DAB1: variants seen among roughly 807,000 people sequenced by gnomAD.
The protein encoded by DAB1 is disabled homolog 1.
A neutral mutation model predicts 64.6 loss-of-function variants in DAB1; 15 were observed. That is an observed-to-expected ratio of 0.23 (90% CI 0.16 to 0.36). The LOEUF (loss-of-function observed/expected upper bound fraction) is 0.36, where lower values mean the gene tolerates loss of function less well. Among genes scored for constraint, DAB1 ranks in the 10% least tolerant of loss-of-function variants. DAB1 has a pLI of 1.00. For missense variants in DAB1, 596 were observed against 706.7 expected, an observed-to-expected ratio of 0.84 and a Z score of 1.78; for synonymous variants, 235 against 251.9, an observed-to-expected ratio of 0.93 and a Z score of 0.64.
At chr1:57,089,931 T>C (rs1241173756) in intron 4 of DAB1, among the ~76,000 whole-genome samples, 2 of 152,174 alleles carry the variant, frequency 1.3e-5, no homozygotes, top group East Asian at 3.9e-4. Flanking sequence ...GCATATTTTA[T>C]AATACGAGGC....
At chr1:57,906,825 CT>C (rs1248128911) in intron 5 of DAB1, among the ~76,000 whole-genome samples, 1 of 152,120 alleles carries the variant, frequency 6.6e-6, no homozygotes, top group Non-Finnish European at 1.5e-5. Flanking sequence ...TTCTGCCCTT[CT>C]CTTGGTGCTC....
At chr1:57,690,867 GT>G (rs1046976165) in intron 6 of DAB1, among the ~76,000 whole-genome samples, 2 of 152,114 alleles carry the variant, frequency 1.3e-5, no homozygotes, top group Non-Finnish European at 2.9e-5. Flanking sequence ...TCTTATTGTA[GT>G]TTTGATTTGT....
At chr1:58,176,713 C>T (rs1204492668) in intron 4 of DAB1, among the ~76,000 whole-genome samples, 1 of 152,192 alleles carries the variant, frequency 6.6e-6, no homozygotes, top group Non-Finnish European at 1.5e-5. Flanking sequence ...GGCGCGGTGG[C>T]TCACACCTGT....
At chr1:57,953,689 T>C (rs999624133) in intron 5 of DAB1, among the ~76,000 whole-genome samples, 3 of 152,178 alleles carry the variant, frequency 2.0e-5, no homozygotes, top group South Asian at 2.1e-4. Flanking sequence ...GCTGAGCTCA[T>C]TGAATTCTGA....
intron 3 of DAB1, among the ~76,000 whole-genome samples, chr1:58,433,598 T>A (rs58123146): frequency 0.022 from 1,972 of 90,212 alleles, 16 homozygotes; most frequent in Non-Finnish European, 0.029. Flanking sequence ...AGAGAGAGAG[T>A]GTGTGTGTGT....
intron 6 of DAB1, among the ~76,000 whole-genome samples, chr1:57,676,610 G>A (rs1646569930): frequency 1.3e-5 from 2 of 152,138 alleles, no homozygotes; most frequent in Admixed American, 6.5e-5. Flanking sequence ...GATAACTATT[G>A]GCCCAAGGGA....
At chr1:57,760,284 C>T (rs953994406) in intron 6 of DAB1, among the ~76,000 whole-genome samples, 1 of 152,178 alleles carries the variant, frequency 6.6e-6, no homozygotes, top group African/African-American at 2.4e-5. Flanking sequence ...AGCCCCAAAA[C>T]AACTTCCTTT....
intron 2 of DAB1, among the ~76,000 whole-genome samples, chr1:57,180,846 C>T (rs2100967162): frequency 6.6e-6 from 1 of 152,300 alleles, no homozygotes; most frequent in East Asian, 1.9e-4. Flanking sequence ...CTCCTGTCTC[C>T]TCTACCCCAG....
intron 4 of DAB1, among the ~76,000 whole-genome samples, chr1:57,086,347 G>T (rs568009874): frequency 6.6e-6 from 1 of 152,086 alleles, no homozygotes; most frequent in Non-Finnish European, 1.5e-5. Context: ...CTGAAGCATC[G>T]GGGAGGTTGG....
intron 4 of DAB1, among the ~76,000 whole-genome samples, chr1:58,210,109 C>A (rs1316882298): frequency 6.6e-6 from 1 of 152,182 alleles, no homozygotes; most frequent in Non-Finnish European, 1.5e-5. Flanking sequence ...GTACTTACAA[C>A]AACTCTTGAG....
chr1:57,856,135 T>TG (rs962562009), intron 1 of DAB1, among the ~76,000 whole-genome samples: 3 of 152,146 alleles, frequency 2.0e-5, no homozygotes, highest in Non-Finnish European at 4.4e-5. Context: ...TGGGACTGGC[T>TG]GAGGCCCCTG....
intron 2 of DAB1, among the ~76,000 whole-genome samples, chr1:57,224,460 T>G (rs867434895): frequency 3.9e-5 from 6 of 152,332 alleles, no homozygotes; most frequent in African/African-American, 1.2e-4. Flanking sequence ...GAAGGCTTTC[T>G]TCAAGAGGAA....
chr1:57,538,050 A>G (rs1644751656), intron 7 of DAB1, among the ~76,000 whole-genome samples: 1 of 152,138 alleles, frequency 6.6e-6, no homozygotes, highest in African/African-American at 2.4e-5. Flanking sequence ...CATCCACCCC[A>G]GTGACCTAAA....
At chr1:57,621,930 A>G (rs577599924) in intron 7 of DAB1, among the ~76,000 whole-genome samples, 7 of 152,334 alleles carry the variant, frequency 4.6e-5, no homozygotes, top group African/African-American at 1.7e-4. Flanking sequence ...AGACACAGAC[A>G]TAGAGCAAGG....
At chr1:57,837,000 C>A (rs1296072174) in intron 1 of DAB1, among the ~76,000 whole-genome samples, 2 of 152,190 alleles carry the variant, frequency 1.3e-5, no homozygotes, top group South Asian at 2.1e-4. Flanking sequence ...TCTGCTCTCT[C>A]CTTCACTGCT....
chr1:58,194,704 C>A lies in DAB1; in HGVS notation n.310-44116G>T, dbSNP rs552600637. On this transcript the variant is annotated intron_variant and non_coding_transcript_variant, in intron 4 of 20. Coordinates refer to the DAB1 transcript ENST00000485760. ...ATAGGTTCTGTGTATCAGCTTCCTGCAACCTTTCATTCTTCAAATTGGATA... is the reference window on the plus strand; with the variant it reads ...ATAGGTTCTGTGTATCAGCTTCCTGAAACCTTTCATTCTTCAAATTGGATA... Among the ~76,000 whole-genome samples, 3 of 152,342 alleles carry A rather than the reference C, an allele frequency of 2.0e-5. No homozygotes were observed. The East Asian group carries it at 5.8e-4, about 29-fold the overall frequency.
chr1:57,564,018 C>G (rs554834777), intron 7 of DAB1, among the ~76,000 whole-genome samples: 4 of 152,194 alleles, frequency 2.6e-5, no homozygotes, highest in Admixed American at 6.5e-5. Context: ...CCCTGAGTAG[C>G]CAAACTGGGA....
At chr1:58,145,238 T>A (rs1326709749) in intron 5 of DAB1, among the ~76,000 whole-genome samples, 1 of 152,204 alleles carries the variant, frequency 6.6e-6, no homozygotes, top group Non-Finnish European at 1.5e-5. Flanking sequence ...GTAGCACAGA[T>A]CCCTCATGGG....
intron 5 of DAB1, among the ~76,000 whole-genome samples, chr1:58,113,926 G>T (rs1394647760): frequency 6.6e-6 from 1 of 151,918 alleles, no homozygotes; most frequent in Non-Finnish European, 1.5e-5. Context: ...CCCCCCCAAA[G>T]TGAGAGACAC....
Sources: gnomAD v4.1 joint callset for allele counts (sites outside exome capture counted in the v4.1 genomes callset) on GRCh38, gnomAD v4.1.1 for gene constraint, MANE v1.5 for transcripts, NCBI Gene and HGNC (gene_info 2026-07-23, HGNC 2026-07-21) for gene names.